The following ZNF219 variants were observed in gnomAD, a reference collection of about 807,000 sequenced individuals.
ZNF219 encodes the protein zinc finger protein 219.
Under a neutral mutation model 54.4 loss-of-function variants are expected in ZNF219, and 17 were observed. That is an observed-to-expected ratio of 0.31 (90% CI 0.21 to 0.47). ZNF219 has a LOEUF of 0.47. Among genes scored for constraint, ZNF219 ranks in the 20% least tolerant of loss-of-function variants. ZNF219 has a pLI of 1.00. For synonymous variants in ZNF219, 518 were observed against 476.4 expected, an observed-to-expected ratio of 1.09 and a Z score of -1.14; for missense variants, 1,014 against 1,062.3, an observed-to-expected ratio of 0.95 and a Z score of 0.63.
chr14:21,098,690 G>C (rs1285000406), upstream of ZNF219: 1 of 942,522 alleles, frequency 1.1e-6, no homozygotes, highest in Non-Finnish European at 1.3e-6. Context: ...GGAAGGGAGG[G>C]AGCGGGGGTG....
Position 21,093,158 on chromosome 14 carries a change from A to G in ZNF219, c.139T>C (p.Trp47Arg), listed in dbSNP as rs1889071693. Reference sequence around the variant, plus strand: ...CGTTCGCCTGCACGACTCTCAGACCAGCTCACCGCTCCCATCCCGAGCGAC... The same window carrying G: ...CGTTCGCCTGCACGACTCTCAGACCGGCTCACCGCTCCCATCCCGAGCGAC... The part of the protein sequence containing the change: ...AGSLGMGAVS[W>R]SESRAGERRF... Residue 47 changes from tryptophan to arginine, a missense_variant, in exon 3 of 5, where the codon TGG becomes CGG. Trp to Arg is a moderately radical substitution (Grantham distance 101, BLOSUM62 -3). Transcript: ENST00000360947. 5 of 1,610,372 alleles carry G rather than the reference A, an allele frequency of 3.1e-6. No individual in the cohort carries two copies. Among genetic ancestry groups the G allele is most frequent in the Non-Finnish European group, 4.2e-6 (5 of 1,179,410 alleles).
rs1316297074 is a variant in ZNF219 at position 21,090,841 on chromosome 14, C to T, written c.1864G>A (p.Gly622Ser). ...GACAGGTCCAGGGGTTCGGCCTCACCGCCTCGCCCGTTGCGCAGGGTCCTC... is the reference window on the plus strand; with the variant it reads ...GACAGGTCCAGGGGTTCGGCCTCACTGCCTCGCCCGTTGCGCAGGGTCCTC... ...PGRTLRNGRG[G>S]EAEPLDLSLR... The change falls in exon 5 of 5, where the codon GGT becomes AGT. Residue 622 changes from glycine to serine, a missense_variant. Gly to Ser is a moderately conservative substitution (Grantham distance 56, BLOSUM62 0). Coordinates refer to ENST00000360947, the MANE Select transcript of ZNF219 (RefSeq NM_016423.3). This position sits in a 1 kb window ranked among gnomAD's most constrained non-coding sequence, Gnocchi z 4.4. The T allele has an allele frequency of 2.6e-6, 4 of 1,555,390 alleles. No individual in the cohort carries two copies. The highest frequency in any genetic ancestry group is 3.5e-6 in the Non-Finnish European group (4 of 1,150,464).
Position 21,090,372 on chromosome 14 carries a change from G to A in ZNF219, c.*164C>T, listed in dbSNP as rs906173199. 3 of 969,634 alleles carry A rather than the reference G, an allele frequency of 3.1e-6. No homozygotes were observed. The highest frequency in any genetic ancestry group is 3.2e-5 in the African/African-American group (2 of 61,604). The allele number at this position is 969,634 out of a possible 1,614,324, so 60.1% of individuals were successfully genotyped here. A position where few individuals can be genotyped will look rare whatever the true frequency, so the allele number is the denominator to read the frequency against. On this transcript the variant is annotated 3_prime_UTR_variant, in exon 5 of 5. Transcript: ENST00000360947. This position sits in a 1 kb window ranked among gnomAD's most constrained non-coding sequence, Gnocchi z 4.4. ...GACTCCCTTGGGCTGGGTGGGTACC[G>A]CCAGCCCACCCTCCTACGCCCGCCG...
chr14:21,095,160 C>A (rs182316452), intron 1 of ZNF219, among the ~76,000 whole-genome samples: 3 of 152,206 alleles, frequency 2.0e-5, no homozygotes, highest in Admixed American at 6.5e-5. Context: ...CATGAAGGGG[C>A]AGGTACCTGT....
At position 21,092,516 on chromosome 14, in the gene ZNF219, C is replaced by A; in HGVS notation, c.781G>T (p.Ala261Ser). 1 of 1,550,260 alleles carries A rather than the reference C, an allele frequency of 6.5e-7. No individual in the cohort carries two copies. Among genetic ancestry groups the A allele is most frequent in the Non-Finnish European group, 8.7e-7 (1 of 1,146,808 alleles). Residue 261 changes from alanine (A) to serine (S), a missense_variant, in exon 3 of 5, where the codon GCT becomes TCT. Ala to Ser is a moderately conservative substitution (Grantham distance 99). This residue lies in a region of ZNF219 where 395 missense variants were observed against 415.1 expected (regional missense o/e 0.95). Coordinates refer to ENST00000360947, the MANE Select transcript of ZNF219 (RefSeq NM_016423.3). Reference sequence around the variant, plus strand: ...GGGGGCTCCTCGGGAGCGGCAGGAGCTGGGGTCGGGGTTGCCTCACGTTCG... The same window carrying A: ...GGGGGCTCCTCGGGAGCGGCAGGAGATGGGGTCGGGGTTGCCTCACGTTCG... ...EPEREATPTP[A>S]PAAPEEPPAP... is the part of the protein sequence containing the mutation.
chr14:21,101,916 G>A (rs767412875), upstream of ZNF219: 153 of 1,551,412 alleles, frequency 9.9e-5, no homozygotes, highest in Middle Eastern at 1.7e-4. Context: ...TGTCTCAGTC[G>A]CCTGCCTGAA....
upstream of ZNF219, chr14:21,102,768 G>T (rs562323208): frequency 1.3e-6 from 2 of 1,549,900 alleles, no homozygotes; most frequent in African/African-American, 2.7e-5. Flanking sequence ...GCACTATCAA[G>T]AGCTGCAGGA....
At chr14:21,103,106 T>C, upstream of ZNF219, 1 of 1,551,658 alleles carries the variant, frequency 6.4e-7, no homozygotes, top group Non-Finnish European at 8.7e-7. Flanking sequence ...TTCTCACCTC[T>C]ACAATTTGCT....
intron 1 of ZNF219, among the ~76,000 whole-genome samples, chr14:21,094,040 AT>A (rs1472841667): frequency 6.6e-6 from 1 of 152,026 alleles, no homozygotes; most frequent in Non-Finnish European, 1.5e-5. Flanking sequence ...CATGCTCCCC[AT>A]TTATCCAAGT....
chr14:21,092,240 C>A lies in ZNF219; in HGVS notation c.1057G>T (p.Ala353Ser). ...APQPPDLGLLAYEPLGPALLL... is the reference protein window; with the variant it reads ...APQPPDLGLLSYEPLGPALLL... ...AGCGCTGGGCCCAACGGCTCATAGG[C>A]CAGCAGGCCGAGGTCAGGAGGCTGG... The change falls in exon 3 of 5, where the codon GCC becomes TCC. Residue 353 changes from alanine to serine, a missense_variant. Around this residue, in one of 5 missense-constraint regions of ZNF219, gnomAD observed 272 missense variants for 248.9 expected, o/e 1.09. Coordinates refer to ENST00000360947, the MANE Select transcript of ZNF219 (RefSeq NM_016423.3). 6.9e-7 allele frequency: 1 copy of A among 1,456,968 alleles called. No individual in the cohort carries two copies. Among genetic ancestry groups the A allele is most frequent in the Non-Finnish European group, 9.0e-7 (1 of 1,109,636 alleles). The allele number at this position is 1,456,968 out of a possible 1,614,324, so 90.3% of individuals were successfully genotyped here. A position where few individuals can be genotyped will look rare whatever the true frequency, so the allele number is the denominator to read the frequency against.
chr14:21,095,768 T>TA (rs1889251841), intron 1 of ZNF219, among the ~76,000 whole-genome samples: 1 of 151,828 alleles, frequency 6.6e-6, no homozygotes, highest in Non-Finnish European at 1.5e-5. Flanking sequence ...CTGAAAACCA[T>TA]AGAAAAAAAC....
chr14:21,096,713 C>T (rs183595012), intron 1 of ZNF219, among the ~76,000 whole-genome samples: 1 of 152,318 alleles, frequency 6.6e-6, no homozygotes. Flanking sequence ...GGCCAATTAT[C>T]CTTACATGCT....
chr14:21,090,254 GC>G lies in ZNF219; in HGVS notation c.*281del, dbSNP rs1888717984. On this transcript the variant is annotated 3_prime_UTR_variant, in exon 5 of 5. Coordinates refer to ENST00000360947, the MANE Select transcript of ZNF219 (RefSeq NM_016423.3). This position sits in a 1 kb window ranked among gnomAD's most constrained non-coding sequence, Gnocchi z 4.4. The stretch of plus-strand genomic sequence containing the variant: ...CACGCCTATGGACCAGCAAAGACTG[GC>G]AGAGTGGCTCCTCAACAGGGACACA... The G allele has an allele frequency of 1.5e-6, 1 of 669,816 alleles. No individual in the cohort carries two copies. Among genetic ancestry groups the G allele is most frequent in the Non-Finnish European group, 2.7e-6 (1 of 363,974 alleles). 41.5% of individuals were successfully genotyped at this position (669,816 alleles called of 1,614,324 possible). A position where few individuals can be genotyped will look rare whatever the true frequency, so the allele number is the denominator to read the frequency against.
intron 3 of ZNF219, 78 bp from the exon 4 acceptor site, chr14:21,091,620 C>T (rs907623621): frequency 6.6e-7 from 1 of 1,520,672 alleles, no homozygotes. Context: ...CACACCCATC[C>T]CATAGGGCTG....
Position 21,090,752 on chromosome 14 carries a change from G to A in ZNF219, c.1953C>T (p.Cys651=), listed in dbSNP as rs1307972435. The part of the protein sequence containing the change: ...PGGALHRCLF[C]PFATGAPELM... ...GCTCTGGGGCTCCAGTGGCGAACGG[G>A]CAGAAGAGGCAGCGGTGGAGGGCAC... Residue 651 remains cysteine, a synonymous_variant, in exon 5 of 5, where the codon TGC becomes TGT. Coordinates refer to ENST00000360947, the MANE Select transcript of ZNF219 (RefSeq NM_016423.3). This position sits in a 1 kb window ranked among gnomAD's most constrained non-coding sequence, Gnocchi z 4.4. 3.7e-6 allele frequency: 6 copies of A among 1,606,376 alleles called. No homozygotes were observed. In the East Asian group the frequency reaches 1.1e-4, roughly 30 times the overall value.
rs1249469416 is a variant in ZNF219, at chr14:21,090,252, T to C, written c.*284A>G. 1.5e-6 allele frequency: 1 copy of C among 667,170 alleles called. No homozygotes were observed. Among genetic ancestry groups the C allele is most frequent in the South Asian group, 1.5e-5 (1 of 66,426 alleles). 41.3% of individuals were successfully genotyped at this position (667,170 alleles called of 1,614,324 possible). A position where few individuals can be genotyped will look rare whatever the true frequency, so the allele number is the denominator to read the frequency against. Reference sequence around the variant, plus strand: ...CTCACGCCTATGGACCAGCAAAGACTGGCAGAGTGGCTCCTCAACAGGGAC... The same window carrying C: ...CTCACGCCTATGGACCAGCAAAGACCGGCAGAGTGGCTCCTCAACAGGGAC... On this transcript the variant is annotated 3_prime_UTR_variant, in exon 5 of 5. Transcript: ENST00000360947. The surrounding 1 kb of genome is among the most constrained non-coding windows in gnomAD (Gnocchi z 4.4).
intron 1 of ZNF219, among the ~76,000 whole-genome samples, chr14:21,097,050 G>A (rs886444526): frequency 6.6e-6 from 1 of 152,218 alleles, no homozygotes; most frequent in African/African-American, 2.4e-5. Context: ...TAAAAGGAAA[G>A]GGAGCTTCTA....
chr14:21,104,658 T>A (rs1342906259), exon 1 of ZNF219: 1 of 152,288 alleles, frequency 6.6e-6, no homozygotes, highest in East Asian at 1.9e-4. Flanking sequence ...CCTGGCTGCC[T>A]TGCCTTGACA....
chr14:21,091,883 T>C lies in ZNF219; in HGVS notation c.1414A>G (p.Arg472Gly), dbSNP rs1214831116. ...HSASAAGAQA[R>G]STATQEENGL... ...TACATACCCTGCGTGGCGGTCGATC[T>C]TGCCTGGGCCCCAGCAGCAGAGGCA... Residue 472 changes from arginine (R) to glycine (G), a missense_variant, in exon 3 of 5, where the codon AGA (arginine) becomes GGA (glycine). Arg to Gly is a moderately radical substitution (Grantham distance 125). Around this residue, in one of 5 missense-constraint regions of ZNF219, gnomAD observed 272 missense variants for 248.9 expected, o/e 1.09. Coordinates refer to ENST00000360947, the MANE Select transcript of ZNF219 (RefSeq NM_016423.3). The C allele has an allele frequency of 1.3e-6, 2 of 1,566,730 alleles. No homozygotes were observed. Among genetic ancestry groups the C allele is most frequent in the East Asian group, 4.6e-5 (2 of 43,846 alleles).
Sources: allele counts gnomAD v4.1 joint callset (sites outside exome capture counted in the v4.1 genomes callset), GRCh38; gene constraint gnomAD v4.1.1; regional missense constraint gnomAD v4.1.1; non-coding constraint Gnocchi (gnomAD v3.1); transcripts MANE v1.5; gene names NCBI Gene and HGNC (gene_info 2026-07-23, HGNC 2026-07-21).